The following DOCK3 variants were observed in gnomAD, a reference collection of about 807,000 sequenced individuals.
The protein encoded by DOCK3 is dedicator of cytokinesis 3.
A neutral mutation model predicts 265.6 loss-of-function variants in DOCK3; 60 were observed. The observed-to-expected ratio is 0.23, with a 90% CI of 0.18 to 0.28. The LOEUF is 0.28. Among genes scored for constraint, DOCK3 ranks in the 10% least tolerant of loss-of-function variants. The pLI is 1.00. For missense variants in DOCK3, 1,981 were observed against 2,594.3 expected (o/e 0.76, Z 5.14); for synonymous variants, 881 against 938.0 (o/e 0.94, Z 1.11).
chr3:51,249,520 C>T (rs1399382088), intron 22 of DOCK3, among the ~76,000 whole-genome samples: 1 of 95,560 alleles, frequency 1.0e-5, no homozygotes, highest in African/African-American at 4.0e-5. Context: ...CAGCTCCCCG[C>T]CCGGCCAGCC....
chr3:50,758,256 G>A lies in DOCK3; in HGVS notation c.38-20419G>A, dbSNP rs77239451. 5.3e-3 allele frequency among the ~76,000 whole-genome samples: 764 copies of A among 145,182 alleles called. 3 individuals are homozygous for A. The highest frequency in any genetic ancestry group is 0.019 in the African/African-American group (717 of 38,702). On this transcript the variant is annotated intron_variant, in intron 1 of 52. Transcript: ENST00000266037. ...TGAAGGTTATCCCCCCCGCCCCAGA[G>A]TCTTAGTTCTTTTCCTTTGACATAA...
intron 12 of DOCK3, among the ~76,000 whole-genome samples, chr3:51,165,871 G>A (rs1042165027): frequency 4.0e-5 from 6 of 151,526 alleles, no homozygotes; most frequent in African/African-American, 1.5e-4. Flanking sequence ...AGATAAAATA[G>A]ATGTATTTAT....
chr3:51,366,047 G>A (rs1162324927), intron 49 of DOCK3, among the ~76,000 whole-genome samples: 2 of 152,164 alleles, frequency 1.3e-5, no homozygotes, highest in African/African-American at 2.4e-5. Flanking sequence ...GATTGGAATT[G>A]TTTCAGAAGG....
intron 1 of DOCK3, among the ~76,000 whole-genome samples, chr3:50,709,644 G>A (rs1404326931): frequency 6.6e-6 from 1 of 152,074 alleles, no homozygotes; most frequent in Non-Finnish European, 1.5e-5. Context: ...TGGCCAATAT[G>A]GTGAAACCTC....
At chr3:50,944,243 T>C (rs1452692454) in intron 5 of DOCK3, among the ~76,000 whole-genome samples, 1 of 152,222 alleles carries the variant, frequency 6.6e-6, no homozygotes, top group African/African-American at 2.4e-5. Context: ...CCATAATCTC[T>C]GTATCCAGTA....
At chr3:50,835,411 C>A (rs563105334) in intron 2 of DOCK3, among the ~76,000 whole-genome samples, 1 of 152,244 alleles carries the variant, frequency 6.6e-6, no homozygotes, top group South Asian at 2.1e-4. Flanking sequence ...TAATTAAAAT[C>A]ACAGTCTTCA....
At chr3:51,248,056 T>C (rs952093473) in intron 22 of DOCK3, among the ~76,000 whole-genome samples, 1 of 152,236 alleles carries the variant, frequency 6.6e-6, no homozygotes, top group Non-Finnish European at 1.5e-5. Context: ...TCAATGTTGC[T>C]TGATACCTAC....
chr3:50,945,524 T>C (rs1430871704), intron 5 of DOCK3, among the ~76,000 whole-genome samples: 1 of 152,172 alleles, frequency 6.6e-6, no homozygotes. Flanking sequence ...AAATGAACAA[T>C]TTCTAGATTT....
intron 5 of DOCK3, among the ~76,000 whole-genome samples, chr3:50,992,866 C>T (rs2078158199): frequency 6.6e-6 from 1 of 152,144 alleles, no homozygotes; most frequent in African/African-American, 2.4e-5. Context: ...AAATAACAAG[C>T]TCCAAAATTG....
rs530153432 is a variant in DOCK3, at chr3:50,881,001, A to G, written c.163-9025A>G. Among the ~76,000 whole-genome samples, 116 of 152,340 alleles carry G rather than the reference A, an allele frequency of 7.6e-4. 1 individual carries two copies. The highest frequency in any genetic ancestry group is 1.7e-3 in the South Asian group (8 of 4,824). On this transcript the variant is annotated intron_variant, in intron 3 of 52. Transcript: ENST00000266037. ...TGCAAATCAATAAATGTAATCCATC[A>G]CATAAACAGAACCAAAGACAAAATC...
intron 4 of DOCK3, among the ~76,000 whole-genome samples, chr3:50,914,797 T>G (rs1037423642): frequency 6.6e-6 from 1 of 152,138 alleles, no homozygotes; most frequent in African/African-American, 2.4e-5. Context: ...TGTTGAAATC[T>G]CCAACACCAA....
intron 26 of DOCK3, 82 bp downstream of exon 26, chr3:51,277,836 C>T: frequency 6.5e-7 from 1 of 1,548,348 alleles, no homozygotes; most frequent in Non-Finnish European, 8.7e-7. Context: ...ATCTTACCAT[C>T]CCACCACCTT....
chr3:51,009,608 T>C lies in DOCK3; in HGVS notation c.316-54840T>C, dbSNP rs912913239. On this transcript the variant is annotated intron_variant, in intron 5 of 52. Transcript: ENST00000266037. Reference sequence around the variant, plus strand: ...GAATTTTTGAAGGGTTTTTTGTATCTCTATCTCCTTCAGTTCTGCTCTGAT... The same window carrying C: ...GAATTTTTGAAGGGTTTTTTGTATCCCTATCTCCTTCAGTTCTGCTCTGAT... Among the ~76,000 whole-genome samples the C allele has an allele frequency of 3.3e-5, 5 of 152,336 alleles. No homozygotes were observed. In the South Asian group the frequency reaches 1.0e-3, roughly 32 times the overall value.
chr3:50,860,388 A>G (rs1027351935), intron 3 of DOCK3, among the ~76,000 whole-genome samples: 1 of 152,082 alleles, frequency 6.6e-6, no homozygotes, highest in Admixed American at 6.6e-5. Flanking sequence ...TCTATAGTTG[A>G]TAGTTGAGGC....
At chr3:50,942,688 G>T (rs142246538) in intron 5 of DOCK3, among the ~76,000 whole-genome samples, 4 of 152,024 alleles carry the variant, frequency 2.6e-5, no homozygotes, top group African/African-American at 9.6e-5. Context: ...TATTCTAAAA[G>T]AGATTAACTA....
chr3:51,355,615 G>A (rs4974096), intron 41 of DOCK3, among the ~76,000 whole-genome samples: 10,294 of 152,236 alleles, frequency 0.068, 923 homozygotes, highest in East Asian at 0.33. Context: ...CATGACTATG[G>A]CAAGCTTGTT....
intron 9 of DOCK3, among the ~76,000 whole-genome samples, chr3:51,111,014 C>A (rs908133953): frequency 1.3e-5 from 2 of 152,166 alleles, no homozygotes; most frequent in African/African-American, 4.8e-5. Context: ...ACAAAAATCA[C>A]TAGTATTCCT....
chr3:51,334,046 G>A (rs1472075823), intron 35 of DOCK3, among the ~76,000 whole-genome samples: 2 of 151,892 alleles, frequency 1.3e-5, no homozygotes, highest in Non-Finnish European at 2.9e-5. Context: ...AGTTCCCACT[G>A]TGTTGCCCAG....
At chr3:51,235,403 A>G (rs555838950) in intron 19 of DOCK3, among the ~76,000 whole-genome samples, 3 of 152,338 alleles carry the variant, frequency 2.0e-5, no homozygotes, top group African/African-American at 2.4e-5. Context: ...TAGTTTTAGC[A>G]TCAATAATTT....
Sources: gnomAD v4.1 joint callset for allele counts (sites outside exome capture counted in the v4.1 genomes callset) on GRCh38, gnomAD v4.1.1 for gene constraint, MANE v1.5 for transcripts, NCBI Gene and HGNC (gene_info 2026-07-23, HGNC 2026-07-21) for gene names.